SLIT3: variants seen among roughly 807,000 people sequenced by gnomAD.
SLIT3 encodes slit guidance ligand 3, also known as slit homolog 3 protein.
Under a neutral mutation model 184.0 loss-of-function variants are expected in SLIT3, and 68 were observed. The ratio of observed to expected loss-of-function variants is 0.37; its 90% CI spans 0.30 to 0.45. The LOEUF (loss-of-function observed/expected upper bound fraction) is 0.45. Ranked by LOEUF, SLIT3 falls within the 20% of genes least tolerant of loss-of-function variation. The pLI, the probability that SLIT3 is intolerant of heterozygous loss-of-function variation, is 1.00. For missense variants in SLIT3, 1,707 were observed against 2,026.0 expected (o/e 0.84, Z 3.02); for synonymous variants, 831 against 828.6 (o/e 1.00, Z -0.05).
Position 168,724,454 on chromosome 5 carries a change from C to A in SLIT3, c.2301G>T (p.Val767=). 1.2e-6 allele frequency: 2 copies of A among 1,613,250 alleles called. No individual in the cohort carries two copies. The highest frequency in any genetic ancestry group is 1.7e-6 in the Non-Finnish European group (2 of 1,179,528). ...LYLEGNHLTA[V]PRELSALRHL... ...GTCGGAGGGCGGACAGCTCTCTGGGCACGGCTGTTAGGTGGTTTCCTTCCA... is the reference window on the plus strand; with the variant it reads ...GTCGGAGGGCGGACAGCTCTCTGGGAACGGCTGTTAGGTGGTTTCCTTCCA... The change falls in exon 21 of 36, where the codon GTG becomes GTT. Residue 767 remains valine (V), a synonymous_variant. Transcript: ENST00000519560.
At chr5:169,270,666 T>C (rs1490438739) in intron 1 of SLIT3, among the ~76,000 whole-genome samples, 2 of 151,874 alleles carry the variant, frequency 1.3e-5, no homozygotes, top group Non-Finnish European at 2.9e-5. Context: ...TTATATAGTC[T>C]AGGAGGGTCG....
At chr5:168,971,478 A>G (rs1221452541) in intron 4 of SLIT3, among the ~76,000 whole-genome samples, 1 of 152,194 alleles carries the variant, frequency 6.6e-6, no homozygotes, top group Non-Finnish European at 1.5e-5. Context: ...AAACTGAAAT[A>G]CATCTGATTT....
chr5:169,061,473 C>T (rs1758171539), intron 4 of SLIT3, among the ~76,000 whole-genome samples: 1 of 152,208 alleles, frequency 6.6e-6, no homozygotes, highest in Non-Finnish European at 1.5e-5. Flanking sequence ...ATAGCTGCCC[C>T]TCGGCTCCCT....
intron 4 of SLIT3, among the ~76,000 whole-genome samples, chr5:169,030,689 G>A (rs1028982431): frequency 2.6e-5 from 4 of 152,142 alleles, no homozygotes; most frequent in African/African-American, 9.7e-5. Context: ...AAATAATACT[G>A]TAAAGTACTT....
intron 16 of SLIT3, among the ~76,000 whole-genome samples, chr5:168,756,806 A>G (rs1322692226): frequency 6.6e-6 from 1 of 152,158 alleles, no homozygotes; most frequent in Non-Finnish European, 1.5e-5. Flanking sequence ...GTGGGGATTA[A>G]AATACAAGTG....
chr5:168,952,555 A>G (rs953083913), intron 4 of SLIT3, among the ~76,000 whole-genome samples: 6 of 130,448 alleles, frequency 4.6e-5, no homozygotes, highest in African/African-American at 1.4e-4. Context: ...AAAAGAGGGG[A>G]GAAGGCAAAG....
intron 4 of SLIT3, among the ~76,000 whole-genome samples, chr5:168,893,261 A>G (rs11134546): frequency 0.34 from 51,412 of 152,010 alleles, 9,459 homozygotes; most frequent in East Asian, 0.6. Flanking sequence ...CGTTTTGTTT[A>G]TCTCTTATTG....
intron 9 of SLIT3, 52 bp downstream of exon 9, chr5:168,806,394 G>A: frequency 3.1e-6 from 5 of 1,604,852 alleles, no homozygotes; most frequent in African/African-American, 1.3e-5. Context: ...CTGGGACAGG[G>A]AGCTGAATTC....
At chr5:168,711,084 GC>G in intron 24 of SLIT3, 26 bp from the exon 25 acceptor site, 2 of 1,531,656 alleles carry the variant, frequency 1.3e-6, no homozygotes, top group Middle Eastern at 1.7e-4. Context: ...GGAAGTCAGG[GC>G]CCCCTGCCCA....
chr5:168,904,077 G>C (rs1351464822), intron 4 of SLIT3, among the ~76,000 whole-genome samples: 2 of 152,104 alleles, frequency 1.3e-5, no homozygotes, highest in African/African-American at 4.8e-5. Flanking sequence ...TGGCAAAGTG[G>C]GAACTGAAAC....
At chr5:168,778,500 T>A (rs1456657806) in intron 12 of SLIT3, among the ~76,000 whole-genome samples, 1 of 152,022 alleles carries the variant, frequency 6.6e-6, no homozygotes, top group Non-Finnish European at 1.5e-5. Context: ...CTCCTGGGAG[T>A]GCAGAGGCAT....
intron 4 of SLIT3, among the ~76,000 whole-genome samples, chr5:169,053,544 T>C (rs1307710685): frequency 6.6e-6 from 1 of 152,232 alleles, no homozygotes; most frequent in East Asian, 1.9e-4. Context: ...TGATATAGTC[T>C]ATATTTCAAT....
intron 4 of SLIT3, among the ~76,000 whole-genome samples, chr5:169,117,638 G>A: frequency 6.6e-6 from 1 of 152,170 alleles, no homozygotes; most frequent in Non-Finnish European, 1.5e-5. Context: ...ACTAAGAGAA[G>A]GTGTTAGCCA....
chr5:168,832,373 A>G (rs1167514477), intron 6 of SLIT3, among the ~76,000 whole-genome samples: 5 of 152,240 alleles, frequency 3.3e-5, no homozygotes, highest in African/African-American at 1.2e-4. Flanking sequence ...AATATCCATG[A>G]ATGTGTATAC....
chr5:168,684,027 A>G lies in SLIT3; in HGVS notation c.3625T>C (p.Tyr1209His), dbSNP rs753968606. 1 of 1,608,142 alleles carries G rather than the reference A, an allele frequency of 6.2e-7. No homozygotes were observed. The highest frequency in any genetic ancestry group is 8.5e-7 in the Non-Finnish European group (1 of 1,176,990). The change falls in exon 32 of 36, where the codon TAC (tyrosine) becomes CAC (histidine). Residue 1209 changes from tyrosine to histidine, a missense_variant. Tyr to His is a moderately conservative substitution (Grantham distance 83). Transcript: ENST00000519560. ...GDNDPLALEL[Y>H]QGHVRLVYDS... The stretch of plus-strand genomic sequence containing the variant: ...TAGACCAGCCGCACGTGGCCCTGGT[A>G]CAGCTCCAGTGCCAGGGGGTCATTG...
At chr5:168,867,194 T>C (rs1455522977) in intron 5 of SLIT3, among the ~76,000 whole-genome samples, 4 of 152,182 alleles carry the variant, frequency 2.6e-5, no homozygotes, top group African/African-American at 7.2e-5. Context: ...CTTGGAAACA[T>C]TGCACGTGGC....
intron 5 of SLIT3, 39 bp from the exon 6 acceptor site, chr5:168,844,694 G>GA (rs1561963965): frequency 1.3e-6 from 2 of 1,598,858 alleles, no homozygotes. Flanking sequence ...GCTGAGCGGG[G>GA]GCAGCGTGAG....
At chr5:168,688,877 C>T (rs1761824643) in intron 29 of SLIT3, among the ~76,000 whole-genome samples, 1 of 152,200 alleles carries the variant, frequency 6.6e-6, no homozygotes, top group Non-Finnish European at 1.5e-5. Flanking sequence ...AGCTATATGA[C>T]TTTCTCCAAG....
chr5:169,272,731 C>T (rs1298987368), intron 1 of SLIT3, among the ~76,000 whole-genome samples: 1 of 152,196 alleles, frequency 6.6e-6, no homozygotes, highest in Non-Finnish European at 1.5e-5. Flanking sequence ...AAGTTGACCC[C>T]AGCTCCCAGG....
Sources: allele counts gnomAD v4.1 joint callset (sites outside exome capture counted in the v4.1 genomes callset), GRCh38; gene constraint gnomAD v4.1.1; transcripts MANE v1.5; gene names NCBI Gene and HGNC (gene_info 2026-07-23, HGNC 2026-07-21).